FAM120B: variants seen among roughly 807,000 people sequenced by gnomAD.
FAM120B encodes family with sequence similarity 120 member B.
A neutral mutation model predicts 96.3 loss-of-function variants in FAM120B; 83 were observed. The ratio of observed to expected loss-of-function variants is 0.86; its 90% confidence interval spans 0.72 to 1.03. The LOEUF is 1.03. Among genes scored for constraint, FAM120B ranks in the 50% least tolerant of loss-of-function variants. The pLI is 0.00. For missense variants in FAM120B, 1,027 were observed against 1,121.2 expected (o/e 0.92, Z 1.20); for synonymous variants, 407 against 402.7 (o/e 1.01, Z -0.13).
intron 2 of FAM120B, 88 bp downstream of exon 2, chr6:170,319,212 T>G: frequency 7.7e-7 from 1 of 1,303,344 alleles, no homozygotes; most frequent in Non-Finnish European, 1.0e-6. Context: ...TGCCTCAGTG[T>G]TTGGCCACTG....
chr6:170,399,270 A>G (rs1468627646), intron 9 of FAM120B, among the ~76,000 whole-genome samples: 10 of 146,224 alleles, frequency 6.8e-5, no homozygotes, highest in East Asian at 2.0e-4. Flanking sequence ...ACTATGTCAT[A>G]ACTCTTAGTA....
At chr6:170,365,163 T>C (rs556104308) in intron 6 of FAM120B, among the ~76,000 whole-genome samples, 2 of 152,326 alleles carry the variant, frequency 1.3e-5, no homozygotes, top group Non-Finnish European at 2.9e-5. Context: ...TTTACCCACA[T>C]GGAATTGAAT....
chr6:170,387,088 C>T (rs1790227160), intron 6 of FAM120B, among the ~76,000 whole-genome samples: 1 of 152,232 alleles, frequency 6.6e-6, no homozygotes, highest in African/African-American at 2.4e-5. Context: ...CTGTTAGCAT[C>T]TGCTCAGCCC....
At chr6:170,337,715 T>G (rs1331540160) in intron 4 of FAM120B, among the ~76,000 whole-genome samples, 1 of 152,144 alleles carries the variant, frequency 6.6e-6, no homozygotes, top group Admixed American at 6.5e-5. Context: ...CAGAACCTAT[T>G]ATTGGTCCGT....
chr6:170,357,406 CCAT>C (rs1788022163), intron 5 of FAM120B, among the ~76,000 whole-genome samples: 1 of 152,138 alleles, frequency 6.6e-6, no homozygotes. Flanking sequence ...CTCCTTATCT[CCAT>C]CATCTACTCC....
At position 170,383,301 on chromosome 6, in the gene FAM120B, T is replaced by C. The variant is rs151094440; in HGVS notation, c.2284-4986T>C. ...ATCTATAAAAGGAAAAGTTGATAAA[T>C]TGGAAACATTTTTAATTCAACATTT... On this transcript the variant is annotated intron_variant, in intron 6 of 10. Transcript: ENST00000476287. Among the ~76,000 whole-genome samples the C allele has an allele frequency of 7.2e-3, 1,093 of 152,256 alleles. 12 individuals carry two copies. Among genetic ancestry groups the C allele is most frequent in the African/African-American group, 0.025 (1,044 of 41,544 alleles).
In FAM120B at chr6:170,386,295, T is replaced by A. The variant is rs544955671; in HGVS notation, c.2284-1992T>A. Among the ~76,000 whole-genome samples the A allele has an allele frequency of 9.8e-5, 15 of 152,344 alleles. 1 individual carries two copies. In the South Asian group the frequency reaches 3.1e-3, roughly 32 times the overall value. ...TCTAAAAACATAAAGTCCTTTTTTT[T>A]AAGTTAATTTGAAAAGATGAATAAA... On this transcript the variant is annotated intron_variant, in intron 6 of 10. Transcript: ENST00000476287.
chr6:170,383,329 A>C (rs1790020021), intron 6 of FAM120B, among the ~76,000 whole-genome samples: 1 of 152,236 alleles, frequency 6.6e-6, no homozygotes, highest in Non-Finnish European at 1.5e-5. Flanking sequence ...CAACATTTTA[A>C]ATTCAAAATT....
intron 9 of FAM120B, among the ~76,000 whole-genome samples, chr6:170,396,643 C>T (rs955353067): frequency 2.0e-5 from 3 of 152,184 alleles, no homozygotes; most frequent in Non-Finnish European, 4.4e-5. Context: ...TGAACACGTG[C>T]AGTCCATCCT....
upstream of FAM120B, among the ~76,000 whole-genome samples, chr6:170,302,669 G>A (rs1018679013): frequency 2.0e-5 from 3 of 152,012 alleles, no homozygotes; most frequent in South Asian, 2.1e-4. Flanking sequence ...CCCCAAATTC[G>A]CTCTACAGTT....
chr6:170,403,832 C>T (rs954321994), intron 9 of FAM120B, among the ~76,000 whole-genome samples: 1 of 152,200 alleles, frequency 6.6e-6, no homozygotes, highest in African/African-American at 2.4e-5. Context: ...GGCAGAGTAA[C>T]AAGGGTCTGG....
intron 1 of FAM120B, among the ~76,000 whole-genome samples, chr6:170,314,848 G>A (rs75116010): frequency 0.016 from 2,392 of 152,234 alleles, 56 homozygotes; most frequent in African/African-American, 0.055. Flanking sequence ...CAAAACCTTT[G>A]CTATCCCAAT....
At chr6:170,323,021 T>C in intron 2 of FAM120B, 58 bp from the exon 3 acceptor site, 2 of 1,441,888 alleles carry the variant, frequency 1.4e-6, no homozygotes, top group South Asian at 2.8e-5. Context: ...CTTTTTCTAT[T>C]TGAAGGTTAC....
At chr6:170,299,516 TG>T (rs1420205459) in intron 1 of FAM120B, among the ~76,000 whole-genome samples, 1 of 152,268 alleles carries the variant, frequency 6.6e-6, no homozygotes, top group East Asian at 1.9e-4. Flanking sequence ...TAGGCAGAGA[TG>T]GGGCAGCCAC....
intron 9 of FAM120B, among the ~76,000 whole-genome samples, chr6:170,402,199 C>T (rs192625313): frequency 1.2e-3 from 183 of 152,364 alleles, no homozygotes; most frequent in Middle Eastern, 3.4e-3. Context: ...TCTAGTCTTG[C>T]TTTAATATTT....
chr6:170,330,347 C>A, intron 3 of FAM120B, 102 bp from the exon 4 acceptor site: 1 of 759,388 alleles, frequency 1.3e-6, no homozygotes. Context: ...GATTTGAGAG[C>A]TCACCTTTGA....
chr6:170,371,249 G>T (rs1789170565), intron 6 of FAM120B, among the ~76,000 whole-genome samples: 3 of 151,574 alleles, frequency 2.0e-5, no homozygotes, highest in African/African-American at 7.3e-5. Flanking sequence ...CGCACAGTTT[G>T]TGGCCTTTCG....
chr6:170,376,092 C>T (rs937039484), intron 6 of FAM120B, among the ~76,000 whole-genome samples: 3 of 152,038 alleles, frequency 2.0e-5, no homozygotes, highest in African/African-American at 7.2e-5. Flanking sequence ...GATGGCAGGT[C>T]ATGTTCAGGA....
rs572817470 is a variant in FAM120B, at chr6:170,341,029, T to A, written c.2018-7122T>A. 4.6e-5 allele frequency among the ~76,000 whole-genome samples: 7 copies of A among 152,280 alleles called. No individual in the cohort carries two copies. The South Asian group carries it at 1.2e-3, about 27-fold the overall frequency. Reference sequence around the variant, plus strand: ...CTGGAGTGCTGTGCTGGGAGAAACCTCCTTGCCAGGATCCGCTGCTGCTCT... The same window carrying A: ...CTGGAGTGCTGTGCTGGGAGAAACCACCTTGCCAGGATCCGCTGCTGCTCT... On this transcript the variant is annotated intron_variant, in intron 4 of 10. Coordinates refer to ENST00000476287, the MANE Select transcript of FAM120B (RefSeq NM_032448.3).
Sources: allele counts gnomAD v4.1 joint callset (sites outside exome capture counted in the v4.1 genomes callset), GRCh38; gene constraint gnomAD v4.1.1; transcripts MANE v1.5; gene names NCBI Gene and HGNC (gene_info 2026-07-23, HGNC 2026-07-21).